AP3S1: variants seen among roughly 807,000 people sequenced by gnomAD.
AP3S1 encodes the protein adaptor related protein complex 3 subunit sigma 1, also known as AP-3 complex subunit sigma-1.
Under a neutral mutation model 21.3 loss-of-function variants are expected in AP3S1, and 12 were observed. The ratio of observed to expected loss-of-function variants is 0.56; its 90% CI spans 0.36 to 0.91. AP3S1 has a LOEUF of 0.91. Among genes scored for constraint, AP3S1 ranks in the 40% least tolerant of loss-of-function variants. AP3S1 has a pLI of 0.01. For synonymous variants in AP3S1, 48 were observed against 78.4 expected (o/e 0.61, Z 2.05); for missense variants, 116 against 225.0 (o/e 0.52, Z 3.10).
chr5:115,850,674 T>C (rs1038829201), intron 1 of AP3S1, among the ~76,000 whole-genome samples: 1 of 152,210 alleles, frequency 6.6e-6, no homozygotes, highest in African/African-American at 2.4e-5. Context: ...ACTCATGTTA[T>C]GTAGCATGTA....
At chr5:115,866,613 A>C (rs955149515) in intron 1 of AP3S1, 57 bp from the exon 2 acceptor site, 1 of 1,182,622 alleles carries the variant, frequency 8.5e-7, no homozygotes, top group Non-Finnish European at 1.2e-6. Context: ...AAAAATTCTT[A>C]AAATGCTATT....
rs147768779 is a variant in AP3S1, at chr5:115,893,380, T to G, written c.274-1707T>G. Among the ~76,000 whole-genome samples the G allele has an allele frequency of 8.1e-3, 1,229 of 152,340 alleles. 13 individuals are homozygous for G. Among genetic ancestry groups the G allele is most frequent in the African/African-American group, 0.028 (1,172 of 41,572 alleles). Reference sequence around the variant, plus strand: ...AAAAGGAAATTTTTAGGAAATTTCATGAAGTCGTACCCCAGCAGGCATGAA... The same window carrying G: ...AAAAGGAAATTTTTAGGAAATTTCAGGAAGTCGTACCCCAGCAGGCATGAA... On this transcript the variant is annotated intron_variant, in intron 3 of 5. Transcript: ENST00000316788.
chr5:115,850,452 C>T (rs1414988901), intron 1 of AP3S1, among the ~76,000 whole-genome samples: 6 of 152,146 alleles, frequency 3.9e-5, no homozygotes, highest in Admixed American at 2.6e-4. Context: ...ACCATCACCA[C>T]CCATCCATCT....
chr5:115,909,026 G>C (rs989545020), intron 5 of AP3S1: 3 of 980,266 alleles, frequency 3.1e-6, no homozygotes, highest in Admixed American at 6.2e-5. Context: ...AGGAAGGGTG[G>C]GTAAAGGTTT....
chr5:115,841,936 G>A lies in AP3S1; in HGVS notation c.-102G>A, dbSNP rs1457025622. On this transcript the variant is annotated 5_prime_UTR_variant, in exon 1 of 6. Transcript: ENST00000316788. The stretch of plus-strand genomic sequence containing the variant: ...GGAGCGCGCGCGGTCGCGTGCGGGA[G>A]GGGGCGGGTGGGGAAGGATCGCAGG... 21 of 1,504,392 alleles carry A rather than the reference G, an allele frequency of 1.4e-5. No homozygotes were observed. Among genetic ancestry groups the A allele is most frequent in the Non-Finnish European group, 1.8e-5 (20 of 1,126,906 alleles). 93.2% of individuals were successfully genotyped at this position (1,504,392 alleles called of 1,614,324 possible). A position where few individuals can be genotyped will look rare whatever the true frequency, so the allele number is the denominator to read the frequency against.
At chr5:115,851,828 C>T (rs994534050) in intron 1 of AP3S1, among the ~76,000 whole-genome samples, 1 of 151,874 alleles carries the variant, frequency 6.6e-6, no homozygotes, top group African/African-American at 2.4e-5. Flanking sequence ...ATTTAACTTA[C>T]GTTTTTGTTG....
intron 5 of AP3S1, chr5:115,906,818 C>G: frequency 6.6e-7 from 1 of 1,510,274 alleles, no homozygotes; most frequent in Non-Finnish European, 8.8e-7. Context: ...TTCTCTCTTA[C>G]AGACCTTTAT....
At chr5:115,907,190 G>A (rs962776167) in intron 5 of AP3S1, among the ~76,000 whole-genome samples, 8 of 152,212 alleles carry the variant, frequency 5.3e-5, no homozygotes, top group South Asian at 4.1e-4. Context: ...ATATAAAAAC[G>A]TAAAATTTAT....
chr5:115,872,128 A>AC (rs1748316366), intron 3 of AP3S1, among the ~76,000 whole-genome samples: 1 of 151,990 alleles, frequency 6.6e-6, no homozygotes, highest in Non-Finnish European at 1.5e-5. Context: ...AGCCTGGGCA[A>AC]CCCCATCTCT....
intron 5 of AP3S1, among the ~76,000 whole-genome samples, chr5:115,905,057 A>G (rs186679824): frequency 1.3e-5 from 2 of 152,170 alleles, no homozygotes; most frequent in African/African-American, 4.8e-5. Context: ...TGGAATGCTA[A>G]GCTTGTGGGA....
chr5:115,895,345 C>G (rs1272815511), intron 4 of AP3S1, among the ~76,000 whole-genome samples, 187 bp downstream of exon 4: 1 of 151,972 alleles, frequency 6.6e-6, no homozygotes, highest in Admixed American at 6.6e-5. Flanking sequence ...TAGAGGAGTT[C>G]ACATCGAAGG....
chr5:115,878,399 G>A (rs560249534), intron 3 of AP3S1, among the ~76,000 whole-genome samples: 46 of 151,980 alleles, frequency 3.0e-4, no homozygotes, highest in Non-Finnish European at 4.9e-4. Context: ...GAAGGGGTCC[G>A]CTTTCAGTTT....
intron 5 of AP3S1, among the ~76,000 whole-genome samples, chr5:115,907,971 A>G (rs1335910746): frequency 1.3e-5 from 2 of 152,200 alleles, no homozygotes; most frequent in Non-Finnish European, 2.9e-5. Context: ...TTACGAAGTT[A>G]GATTATGCAC....
At chr5:115,912,619 A>G (rs779856522) in intron 5 of AP3S1, among the ~76,000 whole-genome samples, 42 of 152,038 alleles carry the variant, frequency 2.8e-4, no homozygotes, top group Non-Finnish European at 5.2e-4. Flanking sequence ...TTCTTTCTCT[A>G]AATTTGTAAA....
intron 3 of AP3S1, among the ~76,000 whole-genome samples, chr5:115,873,905 G>C (rs1053246813): frequency 6.6e-6 from 1 of 152,018 alleles, no homozygotes; most frequent in Non-Finnish European, 1.5e-5. Context: ...TTATAATTTT[G>C]ATATTTTAAA....
At chr5:115,906,509 C>G (rs1456774135) in intron 5 of AP3S1, among the ~76,000 whole-genome samples, 3 of 152,102 alleles carry the variant, frequency 2.0e-5, no homozygotes, top group Non-Finnish European at 4.4e-5. Context: ...GTATTTCCAT[C>G]TATTCTATTT....
Position 115,913,401 on chromosome 5 carries a change from G to A in AP3S1, c.493G>A (p.Val165Ile), listed in dbSNP as rs1456494783. The A allele has an allele frequency of 6.2e-7, 1 of 1,613,972 alleles. No individual in the cohort carries two copies. The change falls in exon 6 of 6, where the codon GTA becomes ATA. Residue 165 changes from valine to isoleucine, a missense_variant. By Grantham distance (29) the Val-to-Ile change is conservative. This residue lies in a region of AP3S1 where 65 missense variants were observed against 148.2 expected (regional missense o/e 0.44). Coordinates refer to ENST00000316788, the MANE Select transcript of AP3S1 (RefSeq NM_001284.4). ...AGAPARAVSA[V>I]KNMNLPEIPR... is the part of the protein sequence containing the mutation. Reference sequence around the variant, plus strand: ...AGCTCCAGCCCGTGCTGTATCAGCTGTAAAGAATATGAATCTTCCTGAGAT... The same window carrying A: ...AGCTCCAGCCCGTGCTGTATCAGCTATAAAGAATATGAATCTTCCTGAGAT...
intron 1 of AP3S1, among the ~76,000 whole-genome samples, chr5:115,855,476 A>T (rs1183917641): frequency 6.6e-6 from 1 of 151,844 alleles, no homozygotes; most frequent in Non-Finnish European, 1.5e-5. Flanking sequence ...AGTAACTGGG[A>T]CTACAGGCAT....
chr5:115,849,768 C>T (rs1762306353), intron 1 of AP3S1, among the ~76,000 whole-genome samples: 1 of 152,100 alleles, frequency 6.6e-6, no homozygotes, highest in Non-Finnish European at 1.5e-5. Flanking sequence ...AGGTAAAAGT[C>T]AGTGCATCAA....
Sources: gnomAD v4.1 joint callset for allele counts (sites outside exome capture counted in the v4.1 genomes callset) on GRCh38, gnomAD v4.1.1 for gene constraint, gnomAD v4.1.1 regional missense constraint, MANE v1.5 for transcripts, NCBI Gene and HGNC (gene_info 2026-07-23, HGNC 2026-07-21) for gene names.